FHIT: variants seen among roughly 807,000 people sequenced by gnomAD.
FHIT encodes bis(5'-adenosyl)-triphosphatase.
A neutral mutation model predicts 17.9 loss-of-function variants in FHIT; 19 were observed. The ratio of observed to expected loss-of-function variants is 1.06; its 90% CI spans 0.74 to 1.56. FHIT has a LOEUF of 1.56. Ranked by LOEUF, FHIT falls within the 40% of genes most tolerant of loss-of-function variation. The probability of loss-of-function intolerance (pLI) is 0.00; values close to 1 mark genes in which losing one functional copy is unlikely to be tolerated. For missense variants in FHIT, 248 were observed against 189.2 expected (o/e 1.31, Z -1.82); for synonymous variants, 81 against 69.7 (o/e 1.16, Z -0.81).
chr3:59,774,243 CTT>C (rs1297966838), intron 8 of FHIT, among the ~76,000 whole-genome samples: 3 of 152,156 alleles, frequency 2.0e-5, no homozygotes, highest in African/African-American at 7.2e-5. Context: ...CATTTACTGT[CTT>C]TGGCTGCTTT....
chr3:61,160,239 C>T (rs191416949), intron 2 of FHIT, among the ~76,000 whole-genome samples: 1 of 145,214 alleles, frequency 6.9e-6, no homozygotes, highest in African/African-American at 2.5e-5. Flanking sequence ...ACTCAGATAT[C>T]TGCACTTTTT....
intron 5 of FHIT, among the ~76,000 whole-genome samples, chr3:60,276,027 G>T (rs962984144): frequency 6.8e-6 from 1 of 148,038 alleles, no homozygotes. Context: ...TCGCTCAGTC[G>T]CCCAGGCTGG....
chr3:59,984,205 T>C (rs748590280), intron 7 of FHIT, among the ~76,000 whole-genome samples: 4 of 152,122 alleles, frequency 2.6e-5, no homozygotes, highest in South Asian at 4.1e-4. Flanking sequence ...TTATCATTAA[T>C]GCCTTAGACT....
chr3:60,934,157 G>A (rs548341251), intron 3 of FHIT, among the ~76,000 whole-genome samples: 7 of 152,286 alleles, frequency 4.6e-5, no homozygotes, highest in African/African-American at 1.7e-4. Flanking sequence ...TTACCCAGAT[G>A]AGGCTGGGAG....
intron 5 of FHIT, among the ~76,000 whole-genome samples, chr3:60,062,457 C>A (rs1313889212): frequency 6.6e-6 from 1 of 152,170 alleles, no homozygotes; most frequent in Admixed American, 6.5e-5. Context: ...ACATTTAAAA[C>A]AATCCATTAA....
intron 4 of FHIT, among the ~76,000 whole-genome samples, chr3:60,695,711 T>TGG (rs2041099291): frequency 6.6e-6 from 1 of 152,156 alleles, no homozygotes; most frequent in East Asian, 1.9e-4. Context: ...CAAAGCATTC[T>TGG]GGGTAAGAAC....
intron 4 of FHIT, among the ~76,000 whole-genome samples, chr3:60,707,160 G>C (rs1553703770): frequency 6.6e-6 from 1 of 152,156 alleles, no homozygotes; most frequent in African/African-American, 2.4e-5. Flanking sequence ...TAGGAAACGA[G>C]TCCCTTTAGT....
At chr3:59,990,965 A>G (rs1709204872) in intron 7 of FHIT, among the ~76,000 whole-genome samples, 1 of 152,066 alleles carries the variant, frequency 6.6e-6, no homozygotes, top group African/African-American at 2.4e-5. Context: ...GAACAGGGTT[A>G]TCAATTACAT....
At chr3:60,345,704 G>A (rs924765895) in intron 5 of FHIT, among the ~76,000 whole-genome samples, 1 of 152,118 alleles carries the variant, frequency 6.6e-6, no homozygotes, top group Non-Finnish European at 1.5e-5. Context: ...GGAACACAGT[G>A]CTAAATTCCT....
At chr3:60,617,809 C>A (rs1406201862) in intron 4 of FHIT, 1 of 151,362 alleles carries the variant, frequency 6.6e-6, no homozygotes, top group African/African-American at 2.4e-5. Flanking sequence ...AATATTTTAG[C>A]TTGGTGCAAA....
intron 4 of FHIT, among the ~76,000 whole-genome samples, chr3:60,818,714 T>G (rs188157256): frequency 6.6e-6 from 1 of 152,310 alleles, no homozygotes; most frequent in African/African-American, 2.4e-5. Flanking sequence ...TGGGTAGTGT[T>G]TATATACAGA....
intron 5 of FHIT, among the ~76,000 whole-genome samples, chr3:60,321,884 T>G (rs2106808368): frequency 6.6e-6 from 1 of 152,292 alleles, no homozygotes; most frequent in East Asian, 1.9e-4. Flanking sequence ...TCCAACCTCC[T>G]TTAAGAGGGT....
chr3:60,027,144 C>CAAA lies in FHIT; in HGVS notation c.104-12993_104-12992insTTT, dbSNP rs1366510677. Among the ~76,000 whole-genome samples, 26 of 118,204 alleles carry CAAA rather than the reference C, an allele frequency of 2.2e-4. 1 individual carries two copies. Among genetic ancestry groups the CAAA allele is most frequent in the Admixed American group, 7.3e-4 (8 of 11,024 alleles). The allele number at this position is 118,204 out of a possible 152,430, so 77.5% of individuals were successfully genotyped here. Reference sequence around the variant, plus strand: ...ACACACACACACACACACACACACACACACAAAATTAGTAAACCCAATAAT... The same window carrying CAAA: ...ACACACACACACACACACACACACACAAAACACAAAATTAGTAAACCCAATAAT... On this transcript the variant is annotated intron_variant, in intron 5 of 9. Coordinates refer to ENST00000492590, the MANE Select transcript of FHIT (RefSeq NM_002012.4).
intron 8 of FHIT, among the ~76,000 whole-genome samples, chr3:59,817,866 G>T (rs532590908): frequency 2.0e-5 from 3 of 152,098 alleles, no homozygotes; most frequent in Admixed American, 2.0e-4. Context: ...AGATCCACTA[G>T]CTGTTTTCCT....
intron 5 of FHIT, among the ~76,000 whole-genome samples, chr3:60,258,429 G>T (rs1173300147): frequency 6.6e-6 from 1 of 152,058 alleles, no homozygotes; most frequent in Non-Finnish European, 1.5e-5. Context: ...TGCTCTCCCT[G>T]TAGCAGTATC....
At chr3:61,187,151 T>C (rs1488205213) in intron 2 of FHIT, among the ~76,000 whole-genome samples, 1 of 152,168 alleles carries the variant, frequency 6.6e-6, no homozygotes, top group Non-Finnish European at 1.5e-5. Context: ...TGCATATTCA[T>C]TCACTCAATA....
intron 2 of FHIT, among the ~76,000 whole-genome samples, chr3:61,199,471 A>G (rs1161440197): frequency 1.3e-5 from 2 of 152,216 alleles, no homozygotes; most frequent in Non-Finnish European, 2.9e-5. Context: ...CAATTATGGC[A>G]AAATTCCAAG....
intron 5 of FHIT, among the ~76,000 whole-genome samples, chr3:60,359,521 C>T (rs369021313): frequency 2.0e-5 from 3 of 152,144 alleles, no homozygotes; most frequent in East Asian, 1.9e-4. Context: ...CCTCGTGATC[C>T]ACCCGCCTTG....
chr3:61,157,239 T>A (rs1165220388), intron 2 of FHIT, among the ~76,000 whole-genome samples: 41 of 152,088 alleles, frequency 2.7e-4, no homozygotes, highest in Admixed American at 2.7e-3. Flanking sequence ...CAGAAATGGG[T>A]CAAGTAGATT....
Sources: allele counts gnomAD v4.1 joint callset (sites outside exome capture counted in the v4.1 genomes callset), GRCh38; gene constraint gnomAD v4.1.1; transcripts MANE v1.5; gene names NCBI Gene and HGNC (gene_info 2026-07-23, HGNC 2026-07-21).